Variants in CNTN5 observed in about 807,000 individuals in gnomAD.
CNTN5 encodes the protein contactin-5.
In CNTN5, 77 loss-of-function variants were observed where a neutral mutation model predicts 129.1. The observed-to-expected ratio is 0.60, with a 90% confidence interval of 0.50 to 0.72. CNTN5 has a LOEUF of 0.72. Ranked by LOEUF, CNTN5 falls within the 30% of genes least tolerant of loss-of-function variation. The probability of loss-of-function intolerance (pLI) is 0.00; values close to 1 mark genes in which losing one functional copy is unlikely to be tolerated. For missense variants in CNTN5, 1,478 were observed against 1,328.8 expected (o/e 1.11, Z -1.75); for synonymous variants, 509 against 465.6 (o/e 1.09, Z -1.20).
chr11:99,937,908 A>C (rs1206432256), intron 7 of CNTN5, among the ~76,000 whole-genome samples: 3 of 152,236 alleles, frequency 2.0e-5, no homozygotes, highest in Admixed American at 2.0e-4. Flanking sequence ...CCTGTTGTGC[A>C]TAGAAGATAC....
At chr11:100,293,299 T>C (rs1039157921) in intron 18 of CNTN5, among the ~76,000 whole-genome samples, 2 of 151,880 alleles carry the variant, frequency 1.3e-5, no homozygotes, top group Non-Finnish European at 2.9e-5. Flanking sequence ...CAGAAAATTC[T>C]TACATTTCCT....
chr11:100,297,908 C>T (rs1000838479), intron 19 of CNTN5, among the ~76,000 whole-genome samples: 1 of 151,518 alleles, frequency 6.6e-6, no homozygotes, highest in Non-Finnish European at 1.5e-5. Context: ...TGATTTTCTT[C>T]ATTTTACAAA....
At chr11:100,174,762 G>A (rs1947913530) in intron 13 of CNTN5, among the ~76,000 whole-genome samples, 1 of 152,046 alleles carries the variant, frequency 6.6e-6, no homozygotes. Context: ...AAATTATTCG[G>A]TCGCTTAGCA....
intron 1 of CNTN5, among the ~76,000 whole-genome samples, chr11:99,023,708 T>C (rs1862988179): frequency 6.6e-6 from 1 of 152,222 alleles, no homozygotes; most frequent in Non-Finnish European, 1.5e-5. Flanking sequence ...ATATTGTAAT[T>C]TGCCGAATCC....
chr11:99,104,357 A>G (rs930305731), intron 1 of CNTN5, among the ~76,000 whole-genome samples: 1 of 152,050 alleles, frequency 6.6e-6, no homozygotes, highest in East Asian at 1.9e-4. Flanking sequence ...TCTACCAAGT[A>G]GAAGGCAGTA....
intron 2 of CNTN5, among the ~76,000 whole-genome samples, chr11:99,431,965 CAT>C (rs1943387285): frequency 6.6e-6 from 1 of 151,924 alleles, no homozygotes; most frequent in African/African-American, 2.4e-5. Flanking sequence ...ACTCAGTCCA[CAT>C]GTTTCAAGAC....
intron 9 of CNTN5, among the ~76,000 whole-genome samples, chr11:100,002,982 A>G (rs1191011417): frequency 6.6e-6 from 1 of 152,130 alleles, no homozygotes; most frequent in Non-Finnish European, 1.5e-5. Context: ...ACTATAAAGT[A>G]CTCGGAGATA....
intron 1 of CNTN5, among the ~76,000 whole-genome samples, chr11:99,313,332 A>C (rs529362108): frequency 4.6e-5 from 7 of 152,240 alleles, no homozygotes; most frequent in Admixed American, 1.3e-4. Flanking sequence ...GCTTTCACAC[A>C]GATTTTCACT....
chr11:99,567,590 A>G (rs1364001444), intron 3 of CNTN5, among the ~76,000 whole-genome samples: 1 of 152,160 alleles, frequency 6.6e-6, no homozygotes, highest in Non-Finnish European at 1.5e-5. Context: ...CTTCCAAAGG[A>G]AAATGAAAAT....
At chr11:100,351,662 A>T (rs1477848425) in intron 24 of CNTN5, among the ~76,000 whole-genome samples, 1 of 150,954 alleles carries the variant, frequency 6.6e-6, no homozygotes, top group Non-Finnish European at 1.5e-5. Flanking sequence ...GATAGTAAAA[A>T]AAAAAAAAAA....
chr11:99,538,515 A>G (rs972446121), intron 2 of CNTN5, among the ~76,000 whole-genome samples: 1 of 152,194 alleles, frequency 6.6e-6, no homozygotes. Context: ...AGAAACCTAA[A>G]GAAACACGTA....
In CNTN5 at chr11:100,017,204, C is replaced by G. The variant is rs770601; in HGVS notation, c.980+15068C>G. Among the ~76,000 whole-genome samples, 1,250 of 151,904 alleles carry G rather than the reference C, an allele frequency of 8.2e-3. 17 individuals carry two copies. Among genetic ancestry groups the G allele is most frequent in the African/African-American group, 0.029 (1,184 of 41,480 alleles). On this transcript the variant is annotated intron_variant, in intron 9 of 24. Coordinates refer to ENST00000524871, the MANE Select transcript of CNTN5 (RefSeq NM_014361.4). ...TATATATCCCTACAGAGAAATGCAG[C>G]CTTCACAACATTTCCAAAAGAAGAA...
chr11:99,545,444 C>T (rs1318817323), intron 2 of CNTN5, among the ~76,000 whole-genome samples: 1 of 152,154 alleles, frequency 6.6e-6, no homozygotes, highest in East Asian at 1.9e-4. Flanking sequence ...ATTACTCTTA[C>T]TTAACTGCCT....
chr11:100,157,797 A>G (rs1007511772), intron 13 of CNTN5, among the ~76,000 whole-genome samples: 1 of 151,844 alleles, frequency 6.6e-6, no homozygotes, highest in Non-Finnish European at 1.5e-5. Flanking sequence ...GAAGATCTGC[A>G]TAGTTACAGA....
chr11:99,831,447 G>A (rs2135610798), intron 4 of CNTN5, among the ~76,000 whole-genome samples: 1 of 152,276 alleles, frequency 6.6e-6, no homozygotes, highest in South Asian at 2.1e-4. Flanking sequence ...CAGGCATTGT[G>A]GTGGAGAAGA....
chr11:99,958,162 G>A (rs1211130452), intron 8 of CNTN5, among the ~76,000 whole-genome samples: 10 of 152,148 alleles, frequency 6.6e-5, no homozygotes, highest in Admixed American at 4.6e-4. Context: ...AAAGAATGCT[G>A]ACTTGGAAAC....
rs906804105 is a variant in CNTN5, at chr11:100,347,874, T to C, written c.3031-2828T>C. On this transcript the variant is annotated intron_variant, in intron 23 of 24. Transcript: ENST00000524871. ...TAATATGAGCCATCCCTCTCAGGAG[T>C]AGTTTGGGTATAACCAGCAAAAATT... Among the ~76,000 whole-genome samples the C allele has an allele frequency of 1.6e-4, 25 of 151,916 alleles. 1 individual carries two copies. Among genetic ancestry groups the C allele is most frequent in the Non-Finnish European group, 4.4e-5 (3 of 67,956 alleles).
intron 2 of CNTN5, among the ~76,000 whole-genome samples, chr11:99,481,828 G>C (rs1945613428): frequency 6.6e-6 from 1 of 152,154 alleles, no homozygotes; most frequent in African/African-American, 2.4e-5. Flanking sequence ...CTGTAGCTAA[G>C]CCTACCATAG....
intron 21 of CNTN5, among the ~76,000 whole-genome samples, chr11:100,311,554 G>T (rs2138931741): frequency 6.6e-6 from 1 of 152,082 alleles, no homozygotes; most frequent in South Asian, 2.1e-4. Flanking sequence ...TGGTAAAGAA[G>T]GTGCCTGAGA....
Sources: gnomAD v4.1 joint callset for allele counts (sites outside exome capture counted in the v4.1 genomes callset) on GRCh38, gnomAD v4.1.1 for gene constraint, MANE v1.5 for transcripts, NCBI Gene and HGNC (gene_info 2026-07-23, HGNC 2026-07-21) for gene names.